The following POU6F2 variants were observed in gnomAD, a reference collection of about 807,000 sequenced individuals.
POU6F2 encodes POU domain, class 6, transcription factor 2.
In POU6F2, 31 loss-of-function variants were observed where a neutral mutation model predicts 71.3. That is an observed-to-expected ratio of 0.43 (90% CI 0.33 to 0.59). The LOEUF is 0.59. POU6F2 is among the 20% of genes least tolerant of loss of function. The pLI is 0.04. For synonymous variants in POU6F2, 347 were observed against 355.7 expected, an observed-to-expected ratio of 0.98 and a Z score of 0.27; for missense variants, 783 against 856.8, an observed-to-expected ratio of 0.91 and a Z score of 1.07.
At chr7:39,338,427 C>G (rs1351589355) in intron 4 of POU6F2, among the ~76,000 whole-genome samples, 2 of 152,144 alleles carry the variant, frequency 1.3e-5, no homozygotes, top group African/African-American at 2.4e-5. Flanking sequence ...CACCCTGGCT[C>G]TACACGCAAG....
chr7:39,416,836 A>C (rs193099813), intron 6 of POU6F2, among the ~76,000 whole-genome samples: 161 of 152,210 alleles, frequency 1.1e-3, no homozygotes, highest in African/African-American at 3.7e-3. Context: ...AGAAGTTATC[A>C]TTGAAATGTT....
chr7:39,230,094 G>A (rs901454511), intron 4 of POU6F2, among the ~76,000 whole-genome samples: 1 of 152,220 alleles, frequency 6.6e-6, no homozygotes, highest in African/African-American at 2.4e-5. Flanking sequence ...TGGCAGAGAT[G>A]CCCTGTCCCT....
intron 4 of POU6F2, among the ~76,000 whole-genome samples, chr7:39,302,927 C>G (rs919753247): frequency 2.6e-5 from 4 of 152,178 alleles, no homozygotes; most frequent in African/African-American, 9.7e-5. Context: ...ACTTGGAGGA[C>G]TTTTTAAAAC....
At chr7:39,113,165 T>A (rs71536628) in intron 2 of POU6F2, among the ~76,000 whole-genome samples, 1 of 152,202 alleles carries the variant, frequency 6.6e-6, no homozygotes, top group Non-Finnish European at 1.5e-5. Flanking sequence ...GTACCCACTT[T>A]ATGAGAATGT....
intron 2 of POU6F2, among the ~76,000 whole-genome samples, chr7:39,133,888 G>C (rs10230421): frequency 0.097 from 14,756 of 152,042 alleles, 922 homozygotes; most frequent in African/African-American, 0.18. Context: ...TTTTCTTTCT[G>C]TTTTTTTAGA....
chr7:39,250,206 A>G (rs1335489337), intron 4 of POU6F2, among the ~76,000 whole-genome samples: 3 of 152,148 alleles, frequency 2.0e-5, no homozygotes, highest in Non-Finnish European at 4.4e-5. Flanking sequence ...GCATCTTATC[A>G]TCTGCACCCA....
intron 6 of POU6F2, among the ~76,000 whole-genome samples, chr7:39,412,420 G>T (rs746858836): frequency 4.6e-5 from 7 of 152,184 alleles, no homozygotes; most frequent in Non-Finnish European, 1.0e-4. Context: ...AAAGGATTGA[G>T]ATACAATGAA....
intron 8 of POU6F2, among the ~76,000 whole-genome samples, chr7:39,455,987 T>G (rs968122740): frequency 2.6e-5 from 4 of 152,234 alleles, no homozygotes; most frequent in African/African-American, 9.6e-5. Context: ...GGCCAGTTAA[T>G]TCCTCTATAA....
intron 5 of POU6F2, among the ~76,000 whole-genome samples, chr7:39,349,708 A>G (rs1037640738): frequency 6.6e-6 from 1 of 152,232 alleles, no homozygotes; most frequent in African/African-American, 2.4e-5. Flanking sequence ...CAAGGCTCCT[A>G]TCCTGCTCTT....
At chr7:39,367,355 T>C (rs1211761653) in intron 5 of POU6F2, among the ~76,000 whole-genome samples, 1 of 152,204 alleles carries the variant, frequency 6.6e-6, no homozygotes, top group Middle Eastern at 3.2e-3. Flanking sequence ...AATCTGTGAA[T>C]AAACATATTT....
At chr7:39,158,672 T>A (rs1792925022) in intron 2 of POU6F2, among the ~76,000 whole-genome samples, 1 of 152,116 alleles carries the variant, frequency 6.6e-6, no homozygotes, top group Admixed American at 6.5e-5. Context: ...GGAGAGGAAA[T>A]TCGCCTTTCC....
At chr7:39,140,956 T>A (rs1431701201) in intron 2 of POU6F2, among the ~76,000 whole-genome samples, 24 of 152,090 alleles carry the variant, frequency 1.6e-4, no homozygotes, top group Admixed American at 1.6e-3. Flanking sequence ...CAGGGGCCCA[T>A]GCCTACAAGT....
chr7:39,115,984 T>C (rs1791919829), intron 2 of POU6F2, among the ~76,000 whole-genome samples: 1 of 152,190 alleles, frequency 6.6e-6, no homozygotes, highest in South Asian at 2.1e-4. Flanking sequence ...GTTAAGTAAC[T>C]CATTCACTGT....
intron 5 of POU6F2, among the ~76,000 whole-genome samples, chr7:39,344,768 C>T (rs1024863208): frequency 6.6e-6 from 1 of 152,122 alleles, no homozygotes; most frequent in Admixed American, 6.6e-5. Context: ...CTTTCTAGAA[C>T]TCCTTCAGTT....
chr7:39,461,009 T>A (rs1392263233), intron 9 of POU6F2, among the ~76,000 whole-genome samples: 1 of 152,168 alleles, frequency 6.6e-6, no homozygotes, highest in Non-Finnish European at 1.5e-5. Flanking sequence ...CACACTCCTA[T>A]GCAGCTGAGA....
intron 4 of POU6F2, among the ~76,000 whole-genome samples, chr7:39,337,988 T>G (rs1314091111): frequency 1.3e-5 from 2 of 152,238 alleles, no homozygotes; most frequent in South Asian, 4.1e-4. Flanking sequence ...TTCCCAGACT[T>G]TCCTGTTTCT....
At chr7:39,076,206 C>G (rs1791000660) in intron 1 of POU6F2, among the ~76,000 whole-genome samples, 1 of 151,690 alleles carries the variant, frequency 6.6e-6, no homozygotes, top group Admixed American at 6.6e-5. Context: ...CCTTTCCTTT[C>G]CTCTCTCCTT....
intron 7 of POU6F2, among the ~76,000 whole-genome samples, chr7:39,446,703 C>T (rs1788531402): frequency 6.6e-6 from 1 of 152,220 alleles, no homozygotes; most frequent in African/African-American, 2.4e-5. Context: ...TAGAAAGCTT[C>T]TCAGACACTG....
chr7:39,211,136 A>G (rs1794135563), intron 4 of POU6F2, among the ~76,000 whole-genome samples: 1 of 151,918 alleles, frequency 6.6e-6, no homozygotes, highest in African/African-American at 2.4e-5. Flanking sequence ...GACCTAATCA[A>G]CTCCCAGAGG....
Sources: gnomAD v4.1 joint callset for allele counts (sites outside exome capture counted in the v4.1 genomes callset) on GRCh38, gnomAD v4.1.1 for gene constraint, MANE v1.5 for transcripts, NCBI Gene and HGNC (gene_info 2026-07-23, HGNC 2026-07-21) for gene names.